The following ABCB11 variants were observed in gnomAD, a reference collection of about 807,000 sequenced individuals.
The protein encoded by ABCB11 is ATP binding cassette subfamily B member 11, also known as bile salt export pump.
ABCB11 carries 95 observed loss-of-function variants against 148.0 expected under a neutral mutation model. The observed-to-expected ratio is 0.64, with a 90% CI of 0.54 to 0.76. ABCB11 has a LOEUF of 0.76. Among genes scored for constraint, ABCB11 ranks in the 30% least tolerant of loss-of-function variants. The pLI, the probability that ABCB11 is intolerant of heterozygous loss-of-function variation, is 0.00. For missense variants in ABCB11, 1,523 were observed against 1,617.8 expected, an observed-to-expected ratio of 0.94 and a Z score of 1.01; for synonymous variants, 591 against 555.4, an observed-to-expected ratio of 1.06 and a Z score of -0.90.
At chr2:168,987,136 G>A (rs556602567) in intron 9 of ABCB11, among the ~76,000 whole-genome samples, 1 of 152,218 alleles carries the variant, frequency 6.6e-6, no homozygotes, top group Admixed American at 6.5e-5. Context: ...AAGAAGTGGG[G>A]AAAAGACGAT....
chr2:169,008,412 C>T (rs143634892), intron 5 of ABCB11, among the ~76,000 whole-genome samples: 1 of 152,160 alleles, frequency 6.6e-6, no homozygotes, highest in African/African-American at 2.4e-5. Flanking sequence ...AGGCAAATCC[C>T]CCTCTGCCTT....
rs186655577 is a variant in ABCB11, at chr2:168,979,808, T to G, written c.1197+58A>C. ...AGGTAAATTCTTCAGGAGTTCATTC[T>G]GTGCCCCACCCCCCAGCCCCCACCT... On this transcript the variant is annotated intron_variant, in intron 11 of 27. Coordinates refer to ENST00000650372, the MANE Select transcript of ABCB11 (RefSeq NM_003742.4). 1,597 of 1,031,258 alleles carry G rather than the reference T, an allele frequency of 1.5e-3. 3 individuals are homozygous for G. The Middle Eastern group carries it at 0.018, about 12-fold the overall frequency. 63.9% of individuals were successfully genotyped at this position (1,031,258 alleles called of 1,614,324 possible).
chr2:168,971,412 T>A (rs1291871302), intron 14 of ABCB11, among the ~76,000 whole-genome samples: 2 of 152,020 alleles, frequency 1.3e-5, no homozygotes, highest in African/African-American at 4.8e-5. Flanking sequence ...ATACAATGAA[T>A]TGTTTTTGAC....
At chr2:168,952,694 T>G (rs1280337334) in intron 19 of ABCB11, among the ~76,000 whole-genome samples, 1 of 149,184 alleles carries the variant, frequency 6.7e-6, no homozygotes, top group Non-Finnish European at 1.5e-5. Context: ...TTTTTTTGTT[T>G]GTTTCTATTT....
At chr2:168,993,547 G>A (rs1234286776) in intron 8 of ABCB11, among the ~76,000 whole-genome samples, 164 bp downstream of exon 8, 4 of 152,008 alleles carry the variant, frequency 2.6e-5, no homozygotes, top group Non-Finnish European at 4.4e-5. Context: ...ATCCCTATTC[G>A]ATGAAATGTC....
chr2:168,922,422 C>A lies in ABCB11; in HGVS notation c.*1200G>T, dbSNP rs189286244. Among the ~76,000 whole-genome samples, 19 of 152,294 alleles carry A rather than the reference C, an allele frequency of 1.2e-4. No individual in the cohort carries two copies. In the Middle Eastern group the frequency reaches 0.01, roughly 82 times the overall value. ...GGGGCTCTGCAATTCTGTTTCCATA[C>A]AGGCTTTTGGTCCATTCTTCTGTCT... On this transcript the variant is annotated 3_prime_UTR_variant, in exon 28 of 28. Transcript: ENST00000650372.
Position 169,013,272 on chromosome 2 carries a change from C to A in ABCB11, c.389G>T (p.Gly130Val). ...NQNMTNGTRC[G>V]LLNIESEMIK... is the part of the protein sequence containing the mutation. ...AAAATTAAAAACAAAAACAACCTAC[C>A]CACAACGTGTTCCATTTGTCATGTT... Residue 130 changes from glycine to valine, a missense_variant and splice_region_variant, in exon 5 of 28, where the codon GGG becomes GTG. Gly to Val is a moderately radical substitution (Grantham distance 109). Transcript: ENST00000650372. 1 of 1,602,242 alleles carries A rather than the reference C, an allele frequency of 6.2e-7. No individual in the cohort carries two copies. Among genetic ancestry groups the A allele is most frequent in the Non-Finnish European group, 8.5e-7 (1 of 1,172,136 alleles).
chr2:168,942,838 C>T (rs1044007145), intron 21 of ABCB11, among the ~76,000 whole-genome samples: 1 of 151,762 alleles, frequency 6.6e-6, no homozygotes, highest in African/African-American at 2.4e-5. Flanking sequence ...TAGAGAATCT[C>T]CAAAGTTAGT....
At chr2:168,969,889 T>C (rs116257313) in intron 15 of ABCB11, among the ~76,000 whole-genome samples, 156 bp downstream of exon 15, 1,999 of 152,166 alleles carry the variant, frequency 0.013, 37 homozygotes, top group African/African-American at 0.046. Context: ...AGGAAGATTG[T>C]AGTCAGCTAA....
intron 10 of ABCB11, among the ~76,000 whole-genome samples, chr2:168,983,263 T>C (rs1021121618): frequency 6.6e-6 from 1 of 152,196 alleles, no homozygotes; most frequent in Non-Finnish European, 1.5e-5. Context: ...TCTTCTTGCA[T>C]AGCAAGTATG....
intron 1 of ABCB11, among the ~76,000 whole-genome samples, chr2:169,025,035 AAC>A (rs773330364): frequency 9.2e-5 from 14 of 152,170 alleles, no homozygotes; most frequent in Non-Finnish European, 1.8e-4. Flanking sequence ...TTTTCAAAAA[AAC>A]AGAGAGACTC....
intron 7 of ABCB11, among the ~76,000 whole-genome samples, chr2:168,994,244 A>G (rs74373131): frequency 0.046 from 6,945 of 152,146 alleles, 181 homozygotes; most frequent in East Asian, 0.062. Flanking sequence ...TCAAGGTTCT[A>G]GTCACATACC....
intron 10 of ABCB11, among the ~76,000 whole-genome samples, chr2:168,983,318 G>A (rs1694197484): frequency 6.6e-6 from 1 of 152,000 alleles, no homozygotes; most frequent in African/African-American, 2.4e-5. Flanking sequence ...TCCCTATTTT[G>A]GTAAATGTCA....
chr2:168,968,323 A>T lies in ABCB11; in HGVS notation c.2075+104T>A, dbSNP rs920773283. 31 of 1,076,906 alleles carry T rather than the reference A, an allele frequency of 2.9e-5. No individual in the cohort carries two copies. The Admixed American group carries it at 6.2e-4, about 22-fold the overall frequency. The allele number at this position is 1,076,906 out of a possible 1,614,324, so 66.7% of individuals were successfully genotyped here. A position where few individuals can be genotyped will look rare whatever the true frequency, so the allele number is the denominator to read the frequency against. ...TTTGACAAGACCTGGCAGTCTACTCAGAGTTTCCTTGTTGTACCTGAGATA... is the reference window on the plus strand; with the variant it reads ...TTTGACAAGACCTGGCAGTCTACTCTGAGTTTCCTTGTTGTACCTGAGATA... On this transcript the variant is annotated intron_variant, in intron 17 of 27. Coordinates refer to ENST00000650372, the MANE Select transcript of ABCB11 (RefSeq NM_003742.4).
At position 168,921,241 on chromosome 2, in the gene ABCB11, C is replaced by T; in HGVS notation, c.*2381G>A. Among the ~76,000 whole-genome samples, 1 of 152,176 alleles carries T rather than the reference C, an allele frequency of 6.6e-6. No homozygotes were observed. Among genetic ancestry groups the T allele is most frequent in the Non-Finnish European group, 1.5e-5 (1 of 68,032 alleles). On this transcript the variant is annotated 3_prime_UTR_variant, in exon 28 of 28. Transcript: ENST00000650372. Reference sequence around the variant, plus strand: ...GGCCTGACCAGTTAACTTGCTAAACCATCTTTGCTGTTATATACCAGGAAA... The same window carrying T: ...GGCCTGACCAGTTAACTTGCTAAACTATCTTTGCTGTTATATACCAGGAAA...
chr2:168,920,569 T>TAAG (rs1691044835), downstream of ABCB11, among the ~76,000 whole-genome samples: 1 of 152,096 alleles, frequency 6.6e-6, no homozygotes, highest in South Asian at 2.1e-4. Flanking sequence ...CCTGTTAACT[T>TAAG]TTATTAACTG....
intron 1 of ABCB11, among the ~76,000 whole-genome samples, chr2:169,022,934 T>C (rs896109753): frequency 6.6e-6 from 1 of 151,990 alleles, no homozygotes; most frequent in Non-Finnish European, 1.5e-5. Flanking sequence ...CATTCCTGTT[T>C]TGAAAACCTA....
chr2:168,968,627 A>C (rs1451713342), intron 16 of ABCB11, 137 bp from the exon 17 acceptor site: 1 of 726,484 alleles, frequency 1.4e-6, no homozygotes, highest in African/African-American at 1.8e-5. Context: ...TTATTGCAAT[A>C]AATAAAACTC....
intron 24 of ABCB11, among the ~76,000 whole-genome samples, 172 bp downstream of exon 24, chr2:168,932,205 G>A (rs1313286096): frequency 6.6e-6 from 1 of 152,020 alleles, no homozygotes; most frequent in African/African-American, 2.4e-5. Flanking sequence ...TCCCCACCCT[G>A]TGTCCATGTG....
Sources: gnomAD v4.1 joint callset for allele counts (sites outside exome capture counted in the v4.1 genomes callset) on GRCh38, gnomAD v4.1.1 for gene constraint, MANE v1.5 for transcripts, NCBI Gene and HGNC (gene_info 2026-07-23, HGNC 2026-07-21) for gene names.